PALM2AKAP2: variants seen among roughly 807,000 people sequenced by gnomAD.
The protein encoded by PALM2AKAP2 is PALM2-AKAP2 fusion protein.
PALM2AKAP2 carries 37 observed loss-of-function variants against 71.5 expected under a neutral mutation model. That is an observed-to-expected ratio of 0.52 (90% CI 0.40 to 0.68). PALM2AKAP2 has a LOEUF of 0.68. Among genes scored for constraint, PALM2AKAP2 ranks in the 30% least tolerant of loss-of-function variants. PALM2AKAP2 has a pLI of 0.00. For synonymous variants in PALM2AKAP2, 468 were observed against 478.8 expected (o/e 0.98, Z 0.29); for missense variants, 1,224 against 1,191.8 (o/e 1.03, Z -0.40).
chr9:109,917,444 G>A (rs1178973320), intron 3 of PALM2AKAP2, among the ~76,000 whole-genome samples: 10 of 151,550 alleles, frequency 6.6e-5, no homozygotes, highest in Non-Finnish European at 1.3e-4. Flanking sequence ...CTGGCAGGAA[G>A]GAAGGAAAGG....
intron 7 of PALM2AKAP2, among the ~76,000 whole-genome samples, chr9:110,021,765 G>T (rs537519572): frequency 8.8e-4 from 134 of 151,450 alleles, no homozygotes; most frequent in African/African-American, 3.2e-3. Flanking sequence ...AACAGGTATG[G>T]ATCAGTATTT....
At chr9:109,835,876 G>T (rs890181485) in intron 1 of PALM2AKAP2, among the ~76,000 whole-genome samples, 1 of 152,232 alleles carries the variant, frequency 6.6e-6, no homozygotes, top group African/African-American at 2.4e-5. Context: ...AAACAAAGTG[G>T]CCGGGAAGCT....
At chr9:109,928,087 A>C (rs1830996785) in intron 5 of PALM2AKAP2, among the ~76,000 whole-genome samples, 1 of 152,050 alleles carries the variant, frequency 6.6e-6, no homozygotes, top group South Asian at 2.1e-4. Context: ...GTTGCCTGTA[A>C]GTTATGTGTT....
chr9:109,781,224 A>G (rs1289422297), intron 1 of PALM2AKAP2, among the ~76,000 whole-genome samples: 1 of 152,200 alleles, frequency 6.6e-6, no homozygotes, highest in East Asian at 1.9e-4. Flanking sequence ...AAGTGTACCC[A>G]TGTGCATCTT....
At chr9:109,753,198 G>A (rs1375122034) in intron 1 of PALM2AKAP2, among the ~76,000 whole-genome samples, 1 of 152,104 alleles carries the variant, frequency 6.6e-6, no homozygotes, top group Non-Finnish European at 1.5e-5. Context: ...CTTTCTTAAA[G>A]CCAGAGAGGA....
intron 6 of PALM2AKAP2, among the ~76,000 whole-genome samples, chr9:109,960,641 TC>T (rs1831837361): frequency 1.3e-5 from 2 of 152,122 alleles, no homozygotes; most frequent in Non-Finnish European, 2.9e-5. Context: ...TGTAATGCTA[TC>T]TTTTGGCTCC....
intron 7 of PALM2AKAP2, among the ~76,000 whole-genome samples, chr9:110,029,033 A>T (rs924362608): frequency 6.6e-6 from 1 of 151,856 alleles, no homozygotes; most frequent in Non-Finnish European, 1.5e-5. Flanking sequence ...TATTTTAAGG[A>T]CTTGTAATAT....
At chr9:110,023,311 T>TTTTTTTTTC (rs1833109538) in intron 7 of PALM2AKAP2, among the ~76,000 whole-genome samples, 1 of 53,222 alleles carries the variant, frequency 1.9e-5, no homozygotes, top group Non-Finnish European at 4.0e-5. Flanking sequence ...GTTTCTTTTT[T>TTTTTTTTTC]TTTTTTTTTT....
chr9:110,041,138 G>A (rs1457956216), intron 7 of PALM2AKAP2, among the ~76,000 whole-genome samples: 1 of 152,130 alleles, frequency 6.6e-6, no homozygotes, highest in Non-Finnish European at 1.5e-5. Flanking sequence ...TGGAATCAAG[G>A]TGCCATCTTG....
chr9:110,016,496 C>G (rs1832982721), intron 7 of PALM2AKAP2, among the ~76,000 whole-genome samples: 1 of 152,130 alleles, frequency 6.6e-6, no homozygotes, highest in African/African-American at 2.4e-5. Flanking sequence ...TCAAGATTTC[C>G]ACTGATGTCA....
At chr9:109,683,414 T>C (rs897887598) in intron 1 of PALM2AKAP2, among the ~76,000 whole-genome samples, 1 of 152,000 alleles carries the variant, frequency 6.6e-6, no homozygotes, top group Non-Finnish European at 1.5e-5. Flanking sequence ...GAGGCAGAGA[T>C]TGGAGTTCTC....
At chr9:110,042,922 T>C (rs1833532513) in intron 7 of PALM2AKAP2, among the ~76,000 whole-genome samples, 1 of 152,210 alleles carries the variant, frequency 6.6e-6, no homozygotes, top group African/African-American at 2.4e-5. Context: ...ATTATAGATT[T>C]AGTTATTTTT....
chr9:110,062,111 C>T (rs1339724723), intron 1 of PALM2AKAP2, among the ~76,000 whole-genome samples: 2 of 152,152 alleles, frequency 1.3e-5, no homozygotes, highest in Non-Finnish European at 2.9e-5. Flanking sequence ...ATTTTAAGTT[C>T]CAGGATACAT....
chr9:109,969,595 C>T (rs908608220), intron 6 of PALM2AKAP2, among the ~76,000 whole-genome samples: 1 of 152,210 alleles, frequency 6.6e-6, no homozygotes, highest in African/African-American at 2.4e-5. Context: ...GGGGAAGGCC[C>T]ATCATCACTG....
intron 1 of PALM2AKAP2, among the ~76,000 whole-genome samples, chr9:109,796,988 A>G (rs1564153010): frequency 2.0e-5 from 3 of 152,128 alleles, no homozygotes; most frequent in African/African-American, 7.2e-5. Context: ...GGTAAAAATA[A>G]CCTTTAGCTG....
intron 1 of PALM2AKAP2, among the ~76,000 whole-genome samples, chr9:110,132,678 C>T (rs1220830860): frequency 6.6e-6 from 1 of 151,972 alleles, no homozygotes; most frequent in Non-Finnish European, 1.5e-5. Context: ...TGCAGTGGCA[C>T]TATCTTGGCT....
rs576985655 is a variant in PALM2AKAP2, at chr9:110,137,234, A to T, written c.1264A>T (p.Met422Leu). ...TGCTGCTCGCAAACAATTTCAGCTG[A>T]TGGAGAATTCCAGGCAAGCGGTGGC... Residue 422 changes from methionine to leucine, a missense_variant, in exon 2 of 4, where the codon ATG becomes TTG. Met to Leu is a conservative substitution (Grantham distance 15). Coordinates refer to ENST00000374525, the Ensembl canonical transcript of PALM2AKAP2. The T allele has an allele frequency of 6.2e-6, 10 of 1,614,262 alleles. No homozygotes were observed. The Admixed American group carries it at 1.0e-4, about 16-fold the overall frequency.
chr9:109,867,982 A>G (rs555505622), intron 2 of PALM2AKAP2, among the ~76,000 whole-genome samples: 57 of 152,350 alleles, frequency 3.7e-4, no homozygotes, highest in African/African-American at 1.1e-3. Context: ...ACTTAAAAAT[A>G]TTAGTATTTC....
chr9:110,088,297 C>T (rs113702398), intron 1 of PALM2AKAP2, among the ~76,000 whole-genome samples: 2,163 of 152,184 alleles, frequency 0.014, 45 homozygotes, highest in African/African-American at 0.048. Context: ...GGGGACCAAT[C>T]AGAGGCTGAA....
Sources: allele counts gnomAD v4.1 joint callset (sites outside exome capture counted in the v4.1 genomes callset), GRCh38; gene constraint gnomAD v4.1.1; transcripts MANE v1.5; gene names NCBI Gene and HGNC (gene_info 2026-07-23, HGNC 2026-07-21).